The following CACNB2 variants were observed in gnomAD, a reference collection of about 807,000 sequenced individuals.
CACNB2 encodes the protein calcium voltage-gated channel auxiliary subunit beta 2.
In CACNB2, 42 loss-of-function variants were observed where a neutral mutation model predicts 73.3. The observed-to-expected ratio is 0.57, with a 90% confidence interval of 0.45 to 0.74. The LOEUF is 0.74. Among genes scored for constraint, CACNB2 ranks in the 30% least tolerant of loss-of-function variants. The pLI, the probability that CACNB2 is intolerant of heterozygous loss-of-function variation, is 0.00. For synonymous variants in CACNB2, 348 were observed against 310.3 expected (o/e 1.12, Z -1.28); for missense variants, 940 against 853.0 (o/e 1.10, Z -1.27).
chr10:18,347,558 T>A (rs540786832), intron 2 of CACNB2, among the ~76,000 whole-genome samples: 1 of 48,668 alleles, frequency 2.1e-5, no homozygotes, highest in East Asian at 2.2e-4. Flanking sequence ...ATCTCTAGGC[T>A]TTTTTTTTTC....
At chr10:18,194,371 A>C (rs1294643037) in intron 2 of CACNB2, among the ~76,000 whole-genome samples, 1 of 151,652 alleles carries the variant, frequency 6.6e-6, no homozygotes, top group Non-Finnish European at 1.5e-5. Context: ...AATTTACCTG[A>C]CAATGAGACT....
chr10:18,292,791 T>C (rs1181900371), intron 2 of CACNB2, among the ~76,000 whole-genome samples: 1 of 152,214 alleles, frequency 6.6e-6, no homozygotes. Context: ...CCTGCTATCA[T>C]GTTAAGTGAG....
intron 2 of CACNB2, among the ~76,000 whole-genome samples, chr10:18,380,452 CTTTTTT>C (rs757792853): frequency 9.0e-6 from 1 of 111,032 alleles, no homozygotes; most frequent in Admixed American, 1.0e-4. Context: ...ATGTGTTTTT[CTTTTTT>C]TTTTTTTTTT....
At chr10:18,399,954 C>T (rs6482385) in intron 2 of CACNB2, among the ~76,000 whole-genome samples, 77,999 of 152,008 alleles carry the variant, frequency 0.51, 20,270 homozygotes, top group East Asian at 0.75. Context: ...TGAATTTTAA[C>T]TCCAACTAAT....
intron 2 of CACNB2, chr10:18,261,049 C>A (rs1300961745): frequency 1.4e-6 from 2 of 1,416,766 alleles, no homozygotes; most frequent in South Asian, 1.5e-5. Context: ...TTACGCCCCC[C>A]ACCCCCAAAA....
rs548423645 is a variant in CACNB2 at position 18,249,189 on chromosome 10, C to T, written c.213+98214C>T. ...CCCACTACTGCTACCATTAAATCCA[C>T]CCACTGGTACCCAAATCTTCTGCTT... On this transcript the variant is annotated intron_variant, in intron 2 of 13. Transcript: ENST00000324631. Among the ~76,000 whole-genome samples, 5 of 152,336 alleles carry T rather than the reference C, an allele frequency of 3.3e-5. No homozygotes were observed. In the South Asian group the frequency reaches 1.0e-3, roughly 32 times the overall value.
chr10:18,492,898 G>C (rs1249409466), intron 3 of CACNB2, among the ~76,000 whole-genome samples: 1 of 152,042 alleles, frequency 6.6e-6, no homozygotes, highest in Non-Finnish European at 1.5e-5. Context: ...ATTTACTTAG[G>C]TGTAGCATTT....
chr10:18,492,976 A>G (rs2049543879), intron 3 of CACNB2, among the ~76,000 whole-genome samples: 1 of 152,226 alleles, frequency 6.6e-6, no homozygotes, highest in African/African-American at 2.4e-5. Context: ...TTTATCCATG[A>G]GTTCCACGTT....
chr10:18,167,344 T>C (rs1172501717), intron 2 of CACNB2, among the ~76,000 whole-genome samples: 1 of 152,068 alleles, frequency 6.6e-6, no homozygotes, highest in Non-Finnish European at 1.5e-5. Flanking sequence ...AAATTACTCA[T>C]TGGGTACTGT....
chr10:18,221,966 G>A lies in CACNB2; in HGVS notation c.213+70991G>A, dbSNP rs1261758521. On this transcript the variant is annotated intron_variant, in intron 2 of 13. Coordinates refer to ENST00000324631, the MANE Select transcript of CACNB2 (RefSeq NM_201596.3). The stretch of plus-strand genomic sequence containing the variant: ...GAAGTATTTCATCTACTACACAAAG[G>A]AGGGACCAGAGAATTAGGATTTCAC... Among the ~76,000 whole-genome samples, 5 of 152,174 alleles carry A rather than the reference G, an allele frequency of 3.3e-5. 1 individual carries two copies. The highest frequency in any genetic ancestry group is 5.9e-5 in the Non-Finnish European group (4 of 68,016).
At chr10:18,255,243 C>A (rs143648205) in intron 2 of CACNB2, among the ~76,000 whole-genome samples, 1 of 152,204 alleles carries the variant, frequency 6.6e-6, no homozygotes, top group East Asian at 1.9e-4. Flanking sequence ...TCTTCTCCTC[C>A]CTCTCTTACT....
chr10:18,358,533 TCTCTCTCTCTCTCTCTCTCG>T (rs1262853001), intron 2 of CACNB2, among the ~76,000 whole-genome samples: 833 of 35,370 alleles, frequency 0.024, 16 homozygotes, highest in Admixed American at 0.055. Context: ...TCTCTCTCTC[TCTCTCTCTCTCTCTCTCTCG>T]CTCTCTCTCT....
intron 2 of CACNB2, among the ~76,000 whole-genome samples, chr10:18,184,427 A>C (rs1475854360): frequency 6.6e-6 from 1 of 152,198 alleles, no homozygotes; most frequent in Non-Finnish European, 1.5e-5. Flanking sequence ...CCCTAGACTC[A>C]GTTTCCCCTA....
chr10:18,429,141 C>T (rs1056672326), intron 3 of CACNB2, among the ~76,000 whole-genome samples: 4 of 152,264 alleles, frequency 2.6e-5, no homozygotes, highest in African/African-American at 9.6e-5. Context: ...CTGAAGGAAA[C>T]TTATTTATAG....
At chr10:18,263,230 G>A (rs1344355415) in intron 2 of CACNB2, among the ~76,000 whole-genome samples, 7 of 152,088 alleles carry the variant, frequency 4.6e-5, no homozygotes, top group Non-Finnish European at 8.8e-5. Flanking sequence ...TTTCCTTGAA[G>A]GAAAAGAACC....
intron 2 of CACNB2, among the ~76,000 whole-genome samples, chr10:18,265,659 T>C (rs1857423): frequency 0.31 from 47,701 of 151,974 alleles, 8,388 homozygotes; most frequent in African/African-American, 0.46. Context: ...TTACTTACCG[T>C]GTGATAGTGG....
chr10:18,350,811 G>C (rs1311274348), intron 2 of CACNB2, among the ~76,000 whole-genome samples: 1 of 152,158 alleles, frequency 6.6e-6, no homozygotes, highest in Non-Finnish European at 1.5e-5. Context: ...TTTTTTAGTG[G>C]TGGTGGTTGT....
chr10:18,189,694 G>A (rs558974539), intron 2 of CACNB2, among the ~76,000 whole-genome samples: 1 of 152,134 alleles, frequency 6.6e-6, no homozygotes, highest in African/African-American at 2.4e-5. Flanking sequence ...TCAGATTATT[G>A]CCTGAAGATA....
chr10:18,150,855 C>CTTTTTTTTTTGTTTTTTTT, intron 1 of CACNB2, 28 bp from the exon 2 acceptor site: 1 of 483,392 alleles, frequency 2.1e-6, no homozygotes, highest in Non-Finnish European at 3.1e-6. Context: ...TCTTATTTGT[C>CTTTTTTTTTTGTTTTTTTT]TTTTTTTTTT....
Sources: allele counts gnomAD v4.1 joint callset (sites outside exome capture counted in the v4.1 genomes callset), GRCh38; gene constraint gnomAD v4.1.1; transcripts MANE v1.5; gene names NCBI Gene and HGNC (gene_info 2026-07-23, HGNC 2026-07-21).